Variants in GLRA3 observed in about 807,000 individuals in gnomAD.
The protein encoded by GLRA3 is glycine receptor alpha 3.
In GLRA3, 44 loss-of-function variants were observed where a neutral mutation model predicts 60.4. That is an observed-to-expected ratio of 0.73 (90% CI 0.57 to 0.94). The LOEUF (loss-of-function observed/expected upper bound fraction) is 0.94. Among genes scored for constraint, GLRA3 ranks in the 40% least tolerant of loss-of-function variants. GLRA3 has a pLI of 0.00. For missense variants in GLRA3, 508 were observed against 564.6 expected (o/e 0.90, Z 1.02); for synonymous variants, 223 against 192.9 (o/e 1.16, Z -1.29).
At chr4:174,661,609 C>T (rs1414924294) in intron 7 of GLRA3, among the ~76,000 whole-genome samples, 1 of 152,136 alleles carries the variant, frequency 6.6e-6, no homozygotes, top group Non-Finnish European at 1.5e-5. Context: ...CCATTTGGCT[C>T]CTTGCTCCTG....
intron 5 of GLRA3, among the ~76,000 whole-genome samples, chr4:174,697,906 T>C (rs935784952): frequency 3.3e-5 from 5 of 152,092 alleles, no homozygotes; most frequent in African/African-American, 1.2e-4. Context: ...GGCATCGTGG[T>C]TGGTTGGATT....
At chr4:174,722,048 CTATCTA>C (rs752669100) in intron 4 of GLRA3, among the ~76,000 whole-genome samples, 16 of 152,000 alleles carry the variant, frequency 1.1e-4, no homozygotes, top group African/African-American at 2.4e-4. Flanking sequence ...ATCTGTATAT[CTATCTA>C]TATCTATATC....
chr4:174,676,258 T>C lies in GLRA3; in HGVS notation c.927+820A>G, dbSNP rs766646154. On this transcript the variant is annotated intron_variant, in intron 7 of 9. Coordinates refer to ENST00000274093, the MANE Select transcript of GLRA3 (RefSeq NM_006529.4). ...TCTGGCAGCTCAGCATGGATGAAAA[T>C]CGTGGAATTAGATAAGGTCTCCTTC... 6.3e-4 allele frequency among the ~76,000 whole-genome samples: 95 copies of C among 151,998 alleles called. 1 individual carries two copies. Among genetic ancestry groups the C allele is most frequent in the Non-Finnish European group, 1.9e-4 (13 of 67,986 alleles).
rs931361940 is a variant in GLRA3, at chr4:174,686,925, A to T, written c.575-3986T>A. 3.9e-5 allele frequency among the ~76,000 whole-genome samples: 6 copies of T among 152,364 alleles called. No homozygotes were observed. In the East Asian group the frequency reaches 9.6e-4, roughly 24 times the overall value. On this transcript the variant is annotated intron_variant, in intron 5 of 9. Coordinates refer to ENST00000274093, the MANE Select transcript of GLRA3 (RefSeq NM_006529.4). ...TTCAAATTTCCAGTTTAAAATTTTGATCATTGGAATCTTTTGAGCAAGGGG... is the reference window on the plus strand; with the variant it reads ...TTCAAATTTCCAGTTTAAAATTTTGTTCATTGGAATCTTTTGAGCAAGGGG...
chr4:174,809,863 C>T (rs906132667), intron 1 of GLRA3, among the ~76,000 whole-genome samples: 1 of 151,920 alleles, frequency 6.6e-6, no homozygotes, highest in African/African-American at 2.4e-5. Flanking sequence ...ATTTTTTAAT[C>T]CATATGCAAA....
At chr4:174,818,514 A>G (rs916663941) in intron 1 of GLRA3, among the ~76,000 whole-genome samples, 2 of 152,312 alleles carry the variant, frequency 1.3e-5, no homozygotes, top group African/African-American at 4.8e-5. Flanking sequence ...CTATAGTCTC[A>G]GGAGGCACCA....
At chr4:174,814,216 T>A (rs1236094399) in intron 1 of GLRA3, among the ~76,000 whole-genome samples, 1 of 152,192 alleles carries the variant, frequency 6.6e-6, no homozygotes, top group Admixed American at 6.5e-5. Flanking sequence ...GAGTTCTTGA[T>A]GGCATCCAGG....
rs1181177323 is a variant in GLRA3, at chr4:174,644,076, A to C, written c.1117-12T>G. 1 of 1,554,440 alleles carries C rather than the reference A, an allele frequency of 6.4e-7. No individual in the cohort carries two copies. The highest frequency in any genetic ancestry group is 1.7e-5 in the Admixed American group (1 of 57,224). ...CTTACCTCATCATCCTGTCAAAGAA[A>C]AATGTGACAAGGCCCTTTAATAATA... On this transcript the variant is annotated splice_polypyrimidine_tract_variant and intron_variant, in intron 9 of 9. Coordinates refer to ENST00000274093, the MANE Select transcript of GLRA3 (RefSeq NM_006529.4).
chr4:174,761,839 T>C (rs1202449330), intron 3 of GLRA3, among the ~76,000 whole-genome samples: 1 of 152,210 alleles, frequency 6.6e-6, no homozygotes, highest in African/African-American at 2.4e-5. Flanking sequence ...ATTAATTCAC[T>C]GTACTTCACT....
chr4:174,733,850 G>A (rs1268219747), intron 3 of GLRA3, among the ~76,000 whole-genome samples: 1 of 152,046 alleles, frequency 6.6e-6, no homozygotes, highest in African/African-American at 2.4e-5. Context: ...GAGTCTCCCT[G>A]TTTCTTCTGT....
chr4:174,684,763 T>C (rs1734490036), intron 5 of GLRA3, among the ~76,000 whole-genome samples: 1 of 152,186 alleles, frequency 6.6e-6, no homozygotes, highest in African/African-American at 2.4e-5. Flanking sequence ...ATACCAGCAC[T>C]TTGGAAGGCC....
intron 7 of GLRA3, among the ~76,000 whole-genome samples, chr4:174,671,753 G>T (rs976172253): frequency 5.3e-5 from 8 of 152,088 alleles, no homozygotes; most frequent in African/African-American, 1.9e-4. Context: ...GGGTTTAAGT[G>T]ATTCTGGTGC....
intron 1 of GLRA3, among the ~76,000 whole-genome samples, chr4:174,794,857 T>C (rs1739498601): frequency 6.6e-6 from 1 of 152,058 alleles, no homozygotes; most frequent in Non-Finnish European, 1.5e-5. Context: ...GTAAAAATCA[T>C]GACTAATTCA....
chr4:174,735,210 T>C (rs963879905), intron 3 of GLRA3, among the ~76,000 whole-genome samples: 3 of 152,144 alleles, frequency 2.0e-5, no homozygotes, highest in Non-Finnish European at 4.4e-5. Context: ...CTTCACTCTG[T>C]CCTTCACAGC....
chr4:174,791,572 C>A (rs777596098), intron 1 of GLRA3, among the ~76,000 whole-genome samples: 1 of 152,064 alleles, frequency 6.6e-6, no homozygotes, highest in African/African-American at 2.4e-5. Flanking sequence ...TCATTATTTC[C>A]TTTTTGGTGG....
chr4:174,762,497 C>G (rs1468963464), intron 3 of GLRA3, among the ~76,000 whole-genome samples: 1 of 151,970 alleles, frequency 6.6e-6, no homozygotes, highest in African/African-American at 2.4e-5. Context: ...GTTCTTATAA[C>G]TAGGTATTTT....
chr4:174,807,825 C>G (rs1287855383), intron 1 of GLRA3, among the ~76,000 whole-genome samples: 1 of 151,978 alleles, frequency 6.6e-6, no homozygotes, highest in African/African-American at 2.4e-5. Flanking sequence ...AACTAAGCAG[C>G]CATAATACAT....
intron 3 of GLRA3, among the ~76,000 whole-genome samples, chr4:174,756,565 A>T (rs1399342866): frequency 6.6e-6 from 1 of 152,078 alleles, no homozygotes; most frequent in Non-Finnish European, 1.5e-5. Context: ...ATAATAAAAC[A>T]TCTCAGCAAA....
chr4:174,657,671 A>G (rs10018936), intron 8 of GLRA3, among the ~76,000 whole-genome samples: 45,706 of 151,844 alleles, frequency 0.3, 7,996 homozygotes, highest in Admixed American at 0.47. Flanking sequence ...GAGAAGAGGA[A>G]GAAAAAGAGA....
Sources: allele counts gnomAD v4.1 joint callset (sites outside exome capture counted in the v4.1 genomes callset), GRCh38; gene constraint gnomAD v4.1.1; transcripts MANE v1.5; gene names NCBI Gene and HGNC (gene_info 2026-07-23, HGNC 2026-07-21).